RASA3: variants seen among roughly 807,000 people sequenced by gnomAD.
RASA3 encodes RAS p21 protein activator 3, also known as ras GTPase-activating protein 3.
In RASA3, 73 loss-of-function variants were observed where a neutral mutation model predicts 110.0. That is an observed-to-expected ratio of 0.66 (90% CI 0.55 to 0.81). The LOEUF (loss-of-function observed/expected upper bound fraction) is 0.81. Among genes scored for constraint, RASA3 ranks in the 30% least tolerant of loss-of-function variants. The pLI, the probability that RASA3 is intolerant of heterozygous loss-of-function variation, is 0.00. For synonymous variants in RASA3, 500 were observed against 451.4 expected (o/e 1.11, Z -1.37); for missense variants, 976 against 1,113.2 (o/e 0.88, Z 1.75).
rs547644014 is a variant in RASA3 at position 114,027,635 on chromosome 13, C to T, written c.531-174G>A. Among the ~76,000 whole-genome samples, 8 of 152,238 alleles carry T rather than the reference C, an allele frequency of 5.3e-5. 1 individual carries two copies. The South Asian group carries it at 1.7e-3, about 32-fold the overall frequency. ...ATGCAAATCAGGAACCTTTACTCAG[C>T]CAAAAATACCCAGCGTGAAGAGCAT... On this transcript the variant is annotated intron_variant, in intron 6 of 23. Transcript: ENST00000334062.
At chr13:114,015,126 C>T (rs1021272764) in intron 14 of RASA3, 83 bp downstream of exon 14, 48 of 1,557,474 alleles carry the variant, frequency 3.1e-5, no homozygotes, top group Middle Eastern at 1.7e-4. Flanking sequence ...GCCAGGGCTG[C>T]GGGGGGTTCT....
intron 14 of RASA3, among the ~76,000 whole-genome samples, chr13:114,013,989 CAT>C (rs2053729612): frequency 7.6e-6 from 1 of 130,926 alleles, no homozygotes; most frequent in Non-Finnish European, 1.6e-5. Context: ...TCTCTCTCTC[CAT>C]CTCTCTCCGT....
chr13:114,027,870 G>A lies in RASA3; in HGVS notation c.507C>T (p.Thr169=), dbSNP rs141276378. Residue 169 remains threonine (T), a synonymous_variant, in exon 6 of 24, where the codon ACC becomes ACT. Transcript: ENST00000334062. ...IVNGQCDPYA[T]VTLAGPFRSE... ...GCCTGAAGGGTCCTGCCAGCGTCAC[G>A]GTGGCGTAGGGGTCACATTGCCCAT... The A allele has an allele frequency of 5.0e-5, 80 of 1,613,966 alleles. 1 individual carries two copies. In the African/African-American group the frequency reaches 7.6e-4, roughly 15 times the overall value.
At chr13:114,031,556 G>A (rs935328716) in intron 4 of RASA3, among the ~76,000 whole-genome samples, 1 of 151,304 alleles carries the variant, frequency 6.6e-6, no homozygotes, top group Non-Finnish European at 1.5e-5. Flanking sequence ...GTGTTTGTCC[G>A]CCTGTCTGTA....
chr13:113,997,090 C>G (rs7321908), intron 20 of RASA3, among the ~76,000 whole-genome samples: 48,314 of 151,982 alleles, frequency 0.32, 7,785 homozygotes, highest in East Asian at 0.41. Context: ...GTGGCCTCCC[C>G]ACAAGGCCCT....
At chr13:114,128,109 C>T (rs2080474086) in intron 1 of RASA3, among the ~76,000 whole-genome samples, 1 of 152,228 alleles carries the variant, frequency 6.6e-6, no homozygotes. Flanking sequence ...CTTAGCTGAG[C>T]TCGGTTAATA....
chr13:113,997,872 G>A (rs61968018), intron 20 of RASA3, among the ~76,000 whole-genome samples: 20,503 of 152,188 alleles, frequency 0.13, 1,770 homozygotes, highest in Middle Eastern at 0.21. Flanking sequence ...CAGAGGCCAG[G>A]AGCCTCCCGC....
At chr13:114,126,550 T>C (rs1395552040) in intron 1 of RASA3, among the ~76,000 whole-genome samples, 1 of 152,196 alleles carries the variant, frequency 6.6e-6, no homozygotes, top group Non-Finnish European at 1.5e-5. Flanking sequence ...GACACCCAGA[T>C]GACAGCCAAA....
At chr13:114,073,090 G>C (rs936539078) in intron 2 of RASA3, among the ~76,000 whole-genome samples, 1 of 150,592 alleles carries the variant, frequency 6.6e-6, no homozygotes. Flanking sequence ...ATGGGACAGT[G>C]ATGTACACGC....
intron 7 of RASA3, among the ~76,000 whole-genome samples, chr13:114,026,192 T>C (rs756721492): frequency 3.9e-5 from 6 of 152,212 alleles, no homozygotes; most frequent in Non-Finnish European, 8.8e-5. Context: ...CACCCGTGTG[T>C]GGCCGGGCAG....
At chr13:113,993,650 A>C (rs2053168301) in intron 21 of RASA3, among the ~76,000 whole-genome samples, 1 of 151,564 alleles carries the variant, frequency 6.6e-6, no homozygotes, top group Non-Finnish European at 1.5e-5. Context: ...TCTATTAAAA[A>C]TACAAAAATT....
chr13:114,098,659 T>C (rs1056338121), intron 1 of RASA3, among the ~76,000 whole-genome samples: 2 of 151,704 alleles, frequency 1.3e-5, no homozygotes, highest in Admixed American at 1.3e-4. Flanking sequence ...GCAAGGGGCA[T>C]GGAGGCCGGC....
chr13:114,118,097 A>T (rs2080320545), intron 1 of RASA3, among the ~76,000 whole-genome samples: 1 of 152,096 alleles, frequency 6.6e-6, no homozygotes, highest in South Asian at 2.1e-4. Flanking sequence ...CTCTGCAAGG[A>T]GGCTGAAAAT....
intron 2 of RASA3, among the ~76,000 whole-genome samples, chr13:114,055,145 T>C (rs753032945): frequency 6.6e-6 from 1 of 152,000 alleles, no homozygotes; most frequent in African/African-American, 2.4e-5. Context: ...CATGTGCATG[T>C]GTGTGCCCAC....
chr13:114,068,448 T>A (rs2079493780), intron 2 of RASA3, among the ~76,000 whole-genome samples: 1 of 152,224 alleles, frequency 6.6e-6, no homozygotes, highest in African/African-American at 2.4e-5. Flanking sequence ...ACACGACACT[T>A]ACTGAATATT....
chr13:114,013,222 C>T lies in RASA3; in HGVS notation c.1432G>A (p.Val478Met), dbSNP rs1488931931. The change falls in exon 15 of 24, where the codon GTG becomes ATG. Residue 478 changes from valine to methionine, a missense_variant. Val to Met is a conservative substitution (Grantham distance 21). This residue lies in a region of RASA3 where 732 missense variants were observed against 779.7 expected (regional missense o/e 0.94). Coordinates refer to ENST00000334062, the MANE Select transcript of RASA3 (RefSeq NM_007368.4). The part of the protein sequence containing the change: ...QDDPDVRYTA[V>M]SSFIFLRFFA... ...AACCTCAGGAAGATGAAGCTGCTCA[C>T]TGCAGTGTACCTGACGTCCGGGTCA... The T allele has an allele frequency of 1.2e-6, 2 of 1,613,196 alleles. No individual in the cohort carries two copies. Among genetic ancestry groups the T allele is most frequent in the African/African-American group, 1.3e-5 (1 of 75,044 alleles).
intron 16 of RASA3, among the ~76,000 whole-genome samples, chr13:114,010,824 A>AGGAGGGGG (rs752676534): frequency 4.1e-3 from 16 of 3,858 alleles, no homozygotes; most frequent in South Asian, 9.1e-3. Flanking sequence ...GGGCTGCGTG[A>AGGAGGGGG]CGAGGAGCCT....
rs2079258474 is a variant in RASA3, at chr13:114,057,110, C to T, written c.174-4955G>A. On this transcript the variant is annotated intron_variant, in intron 2 of 23. Transcript: ENST00000334062. The surrounding 1 kb of genome is among the most constrained non-coding windows in gnomAD (Gnocchi z 5.0). Reference sequence around the variant, plus strand: ...GAGCCAGAACAGGCTCCAGCACAGGCGATGGGTGAGTGTTTTGCATGTCTG... The same window carrying T: ...GAGCCAGAACAGGCTCCAGCACAGGTGATGGGTGAGTGTTTTGCATGTCTG... The T allele has an allele frequency of 6.6e-6, 5 of 763,122 alleles. No homozygotes were observed. Among genetic ancestry groups the T allele is most frequent in the East Asian group, 1.3e-4 (1 of 7,770 alleles). 47.3% of individuals were successfully genotyped at this position (763,122 alleles called of 1,614,324 possible).
intron 19 of RASA3, among the ~76,000 whole-genome samples, chr13:114,000,485 GC>G (rs1252445872): frequency 1.3e-5 from 2 of 152,190 alleles, no homozygotes; most frequent in East Asian, 3.9e-4. Flanking sequence ...GTGGTGGGAA[GC>G]CCCGTCTACC....
Sources: allele counts gnomAD v4.1 joint callset (sites outside exome capture counted in the v4.1 genomes callset), GRCh38; gene constraint gnomAD v4.1.1; regional missense constraint gnomAD v4.1.1; non-coding constraint Gnocchi (gnomAD v3.1); transcripts MANE v1.5; gene names NCBI Gene and HGNC (gene_info 2026-07-23, HGNC 2026-07-21).